The following CHD9 variants were observed in gnomAD, a reference collection of about 807,000 sequenced individuals.
The protein encoded by CHD9 is chromodomain helicase DNA binding protein 9.
A neutral mutation model predicts 316.1 loss-of-function variants in CHD9; 77 were observed. The observed-to-expected ratio is 0.24, with a 90% CI of 0.20 to 0.29. The LOEUF is 0.29. Ranked by LOEUF, CHD9 falls within the 10% of genes least tolerant of loss-of-function variation. The pLI is 1.00. For synonymous variants in CHD9, 1,129 were observed against 1,158.3 expected (o/e 0.97, Z 0.51); for missense variants, 2,763 against 3,438.1 (o/e 0.80, Z 4.91).
At chr16:53,194,203 G>A (rs1432663596) in intron 2 of CHD9, among the ~76,000 whole-genome samples, 1 of 151,772 alleles carries the variant, frequency 6.6e-6, no homozygotes, top group East Asian at 1.9e-4. Flanking sequence ...TTCAGCCTGG[G>A]CAACAGAGCG....
At chr16:53,149,084 G>A (rs769866568) in intron 1 of CHD9, among the ~76,000 whole-genome samples, 3 of 152,034 alleles carry the variant, frequency 2.0e-5, no homozygotes, top group South Asian at 2.1e-4. Context: ...TTCTGTTATC[G>A]ATATTTAGGT....
At chr16:53,246,373 C>T (rs1343111083) in intron 15 of CHD9, among the ~76,000 whole-genome samples, 2 of 152,160 alleles carry the variant, frequency 1.3e-5, no homozygotes, top group African/African-American at 4.8e-5. Context: ...TATGGCTAGA[C>T]AGGCTGAGGA....
At chr16:53,088,430 A>C (rs1304101615) in intron 1 of CHD9, among the ~76,000 whole-genome samples, 1 of 151,826 alleles carries the variant, frequency 6.6e-6, no homozygotes, top group Non-Finnish European at 1.5e-5. Flanking sequence ...GATGCCTGCC[A>C]CCACGCCTGG....
chr16:53,125,925 ATT>A (rs1229710360), intron 1 of CHD9, among the ~76,000 whole-genome samples: 10 of 152,022 alleles, frequency 6.6e-5, no homozygotes, highest in African/African-American at 2.4e-4. Context: ...ATTTGCAAAT[ATT>A]TTCTCTCATT....
chr16:53,307,862 C>T lies in CHD9; in HGVS notation c.6962C>T (p.Ala2321Val). The part of the protein sequence containing the change: ...SDPSVPTPPG[A>V]GVKEEHDQST... ...CCCAGTGTACCCACTCCCCCAGGTG[C>T]CGGTGTTAAAGAAGAACATGATCAG... is the stretch of plus-strand genomic sequence containing the variant. The change falls in exon 33 of 39, where the codon GCC (alanine) becomes GTC (valine). Residue 2321 changes from alanine to valine, a missense_variant. This residue lies in a region of CHD9 where 663 missense variants were observed against 751.2 expected (regional missense o/e 0.88). Coordinates refer to ENST00000447540, the MANE Select transcript of CHD9 (RefSeq NM_001308319.2). 6.2e-7 allele frequency: 1 copy of T among 1,613,730 alleles called. No homozygotes were observed. The highest frequency in any genetic ancestry group is 8.5e-7 in the Non-Finnish European group (1 of 1,179,792).
At chr16:53,313,304 G>C (rs948388330) in intron 34 of CHD9, among the ~76,000 whole-genome samples, 1 of 151,852 alleles carries the variant, frequency 6.6e-6, no homozygotes, top group Non-Finnish European at 1.5e-5. Context: ...GTTATAAAAA[G>C]GACAAAGTGT....
chr16:53,186,022 C>T (rs910541572), intron 2 of CHD9, among the ~76,000 whole-genome samples: 11 of 152,164 alleles, frequency 7.2e-5, no homozygotes, highest in Admixed American at 7.2e-4. Context: ...CACAGAGCTC[C>T]CACACAGAGT....
intron 1 of CHD9, among the ~76,000 whole-genome samples, chr16:53,135,275 C>T (rs765352088): frequency 1.3e-5 from 2 of 152,138 alleles, no homozygotes; most frequent in African/African-American, 2.4e-5. Context: ...ATATTAAAGA[C>T]TTACAGGTTT....
intron 19 of CHD9, among the ~76,000 whole-genome samples, chr16:53,257,249 C>T (rs145283952): frequency 4.7e-4 from 72 of 152,166 alleles, no homozygotes; most frequent in Non-Finnish European, 8.1e-4. Flanking sequence ...GGAGATGAAA[C>T]GGTGAAGGAG....
intron 2 of CHD9, among the ~76,000 whole-genome samples, chr16:53,180,741 C>T (rs1473974359): frequency 4.6e-5 from 7 of 151,940 alleles, no homozygotes; most frequent in Non-Finnish European, 7.4e-5. Context: ...GGCGCGATCT[C>T]GGCCCACTGC....
intron 2 of CHD9, among the ~76,000 whole-genome samples, chr16:53,182,136 G>A: frequency 6.6e-6 from 1 of 152,138 alleles, no homozygotes; most frequent in East Asian, 1.9e-4. Context: ...CAGTTTTCTG[G>A]TCATTATGTC....
At chr16:53,111,010 A>G (rs111513424) in intron 1 of CHD9, among the ~76,000 whole-genome samples, 6 of 152,304 alleles carry the variant, frequency 3.9e-5, no homozygotes, top group African/African-American at 1.4e-4. Context: ...CCCTTTGCCA[A>G]GGTTCTGCCC....
intron 1 of CHD9, among the ~76,000 whole-genome samples, chr16:53,059,675 G>A (rs888867922): frequency 2.4e-4 from 36 of 152,182 alleles, no homozygotes; most frequent in African/African-American, 8.4e-4. Context: ...TCTGCCTCTT[G>A]TCTCTGCAGG....
At position 53,209,536 on chromosome 16, in the gene CHD9, A is replaced by T. The variant is rs767959758; in HGVS notation, c.1507A>T (p.Thr503Ser). ...TGGGACATATACTAAGTTGCAGAAT[A>T]CCCAGGTGAGGGTCATGTCTGAGAA... ...GSGTYTKLQN[T>S]QVRVMSEKKQ... The change falls in exon 3 of 39, where the codon ACC (threonine) becomes TCC (serine). Residue 503 changes from threonine to serine, a missense_variant. Thr to Ser is a moderately conservative substitution (Grantham distance 58). Coordinates refer to ENST00000447540, the MANE Select transcript of CHD9 (RefSeq NM_001308319.2). 1 of 1,613,866 alleles carries T rather than the reference A, an allele frequency of 6.2e-7. No individual in the cohort carries two copies. The highest frequency in any genetic ancestry group is 8.5e-7 in the Non-Finnish European group (1 of 1,179,786).
chr16:53,256,358 C>T (rs1597673809), intron 19 of CHD9, among the ~76,000 whole-genome samples: 1 of 148,330 alleles, frequency 6.7e-6, no homozygotes, highest in Non-Finnish European at 1.5e-5. Context: ...TTACTAATTG[C>T]CTTTATATTC....
At chr16:53,157,725 T>TA (rs2041620432) in intron 2 of CHD9, among the ~76,000 whole-genome samples, 184 bp downstream of exon 2, 1 of 152,246 alleles carries the variant, frequency 6.6e-6, no homozygotes, top group African/African-American at 2.4e-5. Context: ...GATTCACTGA[T>TA]ATGCTCAAAG....
At chr16:53,093,082 T>A (rs1339114733) in intron 1 of CHD9, among the ~76,000 whole-genome samples, 2 of 152,238 alleles carry the variant, frequency 1.3e-5, no homozygotes, top group Non-Finnish European at 2.9e-5. Context: ...CCCTGCTGCA[T>A]CTGCACTTTA....
Position 53,156,184 on chromosome 16 carries a change from C to T in CHD9, c.95C>T (p.Pro32Leu), listed in dbSNP as rs957041250. ...LSDDAFVQPGPVSLVDELNLG... is the reference protein window; with the variant it reads ...LSDDAFVQPGLVSLVDELNLG... ...GATGATGCATTTGTACAACCAGGAC[C>T]TGTTTCACTAGTTGATGAATTGAAT... Residue 32 changes from proline (P) to leucine (L), a missense_variant, in exon 2 of 39, where the codon CCT (proline) becomes CTT (leucine). Physicochemically the swap from Pro to Leu is moderately conservative, Grantham distance 98 (BLOSUM62 -3). Transcript: ENST00000447540. 20 of 1,613,814 alleles carry T rather than the reference C, an allele frequency of 1.2e-5. No homozygotes were observed. The highest frequency in any genetic ancestry group is 1.2e-4 in the Admixed American group (7 of 59,992).
chr16:53,250,221 T>G (rs2050008987), intron 17 of CHD9, 155 bp downstream of exon 17: 2 of 613,846 alleles, frequency 3.3e-6, no homozygotes, highest in Non-Finnish European at 5.5e-6. Context: ...GAAGTTATTT[T>G]AATTGTTATG....
Sources: gnomAD v4.1 joint callset for allele counts (sites outside exome capture counted in the v4.1 genomes callset) on GRCh38, gnomAD v4.1.1 for gene constraint, gnomAD v4.1.1 regional missense constraint, MANE v1.5 for transcripts, NCBI Gene and HGNC (gene_info 2026-07-23, HGNC 2026-07-21) for gene names.